Variants in AUTS2 observed in about 807,000 individuals in gnomAD.
AUTS2 encodes activator of transcription and developmental regulator AUTS2, also known as autism susceptibility gene 2 protein.
In AUTS2, 17 loss-of-function variants were observed where a neutral mutation model predicts 112.4. That is an observed-to-expected ratio of 0.15 (90% CI 0.10 to 0.23). The LOEUF (loss-of-function observed/expected upper bound fraction) is 0.23. Among genes scored for constraint, AUTS2 ranks in the 10% least tolerant of loss-of-function variants. The pLI, the probability that AUTS2 is intolerant of heterozygous loss-of-function variation, is 1.00. For missense variants in AUTS2, 1,510 were observed against 1,701.6 expected, an observed-to-expected ratio of 0.89 and a Z score of 1.98; for synonymous variants, 751 against 702.7, an observed-to-expected ratio of 1.07 and a Z score of -1.09.
At chr7:70,249,543 A>G (rs1360294652) in intron 4 of AUTS2, among the ~76,000 whole-genome samples, 2 of 152,094 alleles carry the variant, frequency 1.3e-5, no homozygotes, top group African/African-American at 4.8e-5. Flanking sequence ...ATTTTTAACA[A>G]GTTTCCCCAA....
At chr7:70,280,172 C>T (rs1202624473) in intron 4 of AUTS2, among the ~76,000 whole-genome samples, 1 of 152,126 alleles carries the variant, frequency 6.6e-6, no homozygotes, top group Non-Finnish European at 1.5e-5. Flanking sequence ...CTAGAGCTCT[C>T]TCATCTTGTC....
At chr7:69,810,900 A>G (rs1790518571) in intron 1 of AUTS2, among the ~76,000 whole-genome samples, 2 of 152,222 alleles carry the variant, frequency 1.3e-5, no homozygotes, top group African/African-American at 4.8e-5. Flanking sequence ...CCCTAATTCT[A>G]CATTTACAGC....
chr7:70,570,207 C>A (rs1801879916), intron 5 of AUTS2, among the ~76,000 whole-genome samples: 1 of 152,168 alleles, frequency 6.6e-6, no homozygotes, highest in Admixed American at 6.5e-5. Context: ...ATGATTCATA[C>A]AAGTTTAAAT....
At chr7:70,491,858 G>A (rs537016967) in intron 5 of AUTS2, among the ~76,000 whole-genome samples, 15 of 151,914 alleles carry the variant, frequency 9.9e-5, no homozygotes, top group Non-Finnish European at 1.6e-4. Context: ...CAGGTAATCC[G>A]CCCGCCTCGG....
chr7:70,288,760 T>C (rs535252860), intron 4 of AUTS2, among the ~76,000 whole-genome samples: 14 of 152,278 alleles, frequency 9.2e-5, no homozygotes, highest in African/African-American at 1.4e-4. Flanking sequence ...GCCTGAATGG[T>C]AGAAAAATTC....
Position 70,379,187 on chromosome 7 carries a change from A to G in AUTS2, c.661-56565A>G, listed in dbSNP as rs1205401710. ...GGCTAGGTTTAGATGCCAAATAGCT[A>G]AAGAGCTATCATGTTGAAAAACTAT... On this transcript the variant is annotated intron_variant, in intron 4 of 18. Coordinates refer to ENST00000342771, the MANE Select transcript of AUTS2 (RefSeq NM_015570.4). 3.3e-5 allele frequency among the ~76,000 whole-genome samples: 5 copies of G among 152,160 alleles called. No individual in the cohort carries two copies. The East Asian group carries it at 7.7e-4, about 23-fold the overall frequency.
intron 1 of AUTS2, among the ~76,000 whole-genome samples, chr7:69,781,660 A>T (rs1789148308): frequency 6.6e-6 from 1 of 152,220 alleles, no homozygotes; most frequent in South Asian, 2.1e-4. Context: ...CAGTCTCTTG[A>T]AGGCTCTTCT....
chr7:70,031,313 A>G (rs368343397), intron 2 of AUTS2, among the ~76,000 whole-genome samples: 12 of 152,208 alleles, frequency 7.9e-5, no homozygotes, highest in East Asian at 3.8e-4. Context: ...TATGGATTTA[A>G]TGACTGCAAC....
At chr7:69,965,969 G>C (rs1006049024) in intron 2 of AUTS2, among the ~76,000 whole-genome samples, 4 of 152,154 alleles carry the variant, frequency 2.6e-5, no homozygotes, top group African/African-American at 9.7e-5. Flanking sequence ...TTATTACAGG[G>C]AAGTTTATAA....
intron 5 of AUTS2, among the ~76,000 whole-genome samples, chr7:70,662,738 T>C (rs770461357): frequency 6.6e-6 from 1 of 152,214 alleles, no homozygotes; most frequent in Admixed American, 6.5e-5. Flanking sequence ...AAGTGAGCTC[T>C]TTTTCAGCTT....
chr7:69,821,296 C>T (rs1004411440), intron 1 of AUTS2, among the ~76,000 whole-genome samples: 2 of 152,024 alleles, frequency 1.3e-5, no homozygotes, highest in African/African-American at 4.8e-5. Context: ...CGTCCTGGGT[C>T]GAGTGGGGAC....
chr7:70,154,235 A>C (rs1417901106), intron 4 of AUTS2, among the ~76,000 whole-genome samples: 1 of 152,182 alleles, frequency 6.6e-6, no homozygotes, highest in Non-Finnish European at 1.5e-5. Context: ...CCTGAAGAAA[A>C]AAGTGTCCAT....
intron 1 of AUTS2, among the ~76,000 whole-genome samples, chr7:69,798,208 C>T (rs1789932252): frequency 6.6e-6 from 1 of 152,102 alleles, no homozygotes; most frequent in African/African-American, 2.4e-5. Flanking sequence ...TTCATCAGTG[C>T]TTTATAAACT....
chr7:70,717,904 CCA>C (rs1810468302), intron 6 of AUTS2, among the ~76,000 whole-genome samples: 1 of 152,122 alleles, frequency 6.6e-6, no homozygotes, highest in Non-Finnish European at 1.5e-5. Flanking sequence ...TCTGTTACAC[CCA>C]GCGCCACCTG....
At position 70,400,382 on chromosome 7, in the gene AUTS2, C is replaced by A. The variant is rs115844676; in HGVS notation, c.661-35370C>A. Among the ~76,000 whole-genome samples, 544 of 152,200 alleles carry A rather than the reference C, an allele frequency of 3.6e-3. 4 individuals carry two copies. The highest frequency in any genetic ancestry group is 0.013 in the African/African-American group (523 of 41,520). On this transcript the variant is annotated intron_variant, in intron 4 of 18. Coordinates refer to ENST00000342771, the MANE Select transcript of AUTS2 (RefSeq NM_015570.4). ...CACTATCTAGAGTGGTGTGTTCTAC[C>A]CAACCATATGATCCTCCTGCCCAAA...
chr7:70,632,498 C>T lies in AUTS2; in HGVS notation c.691-66071C>T, dbSNP rs1805314281. Among the ~76,000 whole-genome samples the T allele has an allele frequency of 1.3e-5, 2 of 151,844 alleles. 1 individual carries two copies. The highest frequency in any genetic ancestry group is 1.3e-4 in the Admixed American group (2 of 15,242). On this transcript the variant is annotated intron_variant, in intron 5 of 18. Transcript: ENST00000342771. Reference sequence around the variant, plus strand: ...TCTTCAGCCCCTTCTCTGCTCTCTTCTCTGCTTGTCCTAGGACTGCTGTCT... The same window carrying T: ...TCTTCAGCCCCTTCTCTGCTCTCTTTTCTGCTTGTCCTAGGACTGCTGTCT...
chr7:70,699,551 G>A (rs1408291464), intron 6 of AUTS2: 2 of 152,182 alleles, frequency 1.3e-5, no homozygotes, highest in Non-Finnish European at 2.9e-5. Flanking sequence ...TCCAAGTGCA[G>A]TTATTTTGAG....
chr7:70,435,818 T>TA lies in AUTS2; in HGVS notation c.690+39dup, dbSNP rs779878042. 3.2e-5 allele frequency: 51 copies of TA among 1,606,418 alleles called. 1 individual carries two copies. In the South Asian group the frequency reaches 5.2e-4, roughly 16 times the overall value. On this transcript the variant is annotated intron_variant, in intron 5 of 18. Coordinates refer to ENST00000342771, the MANE Select transcript of AUTS2 (RefSeq NM_015570.4). ...CCTCCCCCATTGTGGGCACAGCACATAACACACTGAACACCAGAGTCCTCC... is the reference window on the plus strand; with the variant it reads ...CCTCCCCCATTGTGGGCACAGCACATAAACACACTGAACACCAGAGTCCTCC...
At chr7:70,772,845 C>T (rs532720015) in intron 11 of AUTS2, among the ~76,000 whole-genome samples, 3 of 152,370 alleles carry the variant, frequency 2.0e-5, no homozygotes, top group South Asian at 2.1e-4. Flanking sequence ...CCCCAGTCTG[C>T]ACCTCACTAC....
Sources: allele counts gnomAD v4.1 joint callset (sites outside exome capture counted in the v4.1 genomes callset), GRCh38; gene constraint gnomAD v4.1.1; transcripts MANE v1.5; gene names NCBI Gene and HGNC (gene_info 2026-07-23, HGNC 2026-07-21).